BPTF: variants seen among roughly 807,000 people sequenced by gnomAD.
BPTF encodes the protein nucleosome-remodeling factor subunit BPTF.
BPTF carries 18 observed loss-of-function variants against 292.5 expected under a neutral mutation model. That is an observed-to-expected ratio of 0.06 (90% CI 0.04 to 0.09). The LOEUF is 0.09. BPTF is among the 10% of genes least tolerant of loss of function. The probability of loss-of-function intolerance (pLI) is 1.00; values close to 1 mark genes in which losing one functional copy is unlikely to be tolerated. For missense variants in BPTF, 2,726 were observed against 3,498.7 expected, an observed-to-expected ratio of 0.78 and a Z score of 5.57; for synonymous variants, 1,225 against 1,251.9, an observed-to-expected ratio of 0.98 and a Z score of 0.45.
At chr17:67,960,027 T>TA in intron 24 of BPTF, 152 bp downstream of exon 24, 2 of 616,174 alleles carry the variant, frequency 3.2e-6, no homozygotes, top group East Asian at 3.0e-5. Flanking sequence ...GTGATATTCT[T>TA]ACCATTGACG....
intron 15 of BPTF, 96 bp downstream of exon 15, chr17:67,924,685 G>T (rs2063724751): frequency 7.2e-7 from 1 of 1,385,506 alleles, no homozygotes; most frequent in Non-Finnish European, 1.0e-6. Context: ...GGGAGTTGGT[G>T]CTGGTCCCAC....
intron 4 of BPTF, chr17:67,886,429 TTTTAAATGAAAGTTTGGTGGG>T: frequency 1.4e-6 from 1 of 734,626 alleles, no homozygotes; most frequent in Non-Finnish European, 2.0e-6. Flanking sequence ...GTTTTTAATT[TTTTAAATGAAAGTTTGGTGGG>T]GGGTGGAATT....
At position 67,849,934 on chromosome 17, in the gene BPTF, C is replaced by G. The variant is rs1039134464; in HGVS notation, c.614-4006C>G. 5.3e-5 allele frequency among the ~76,000 whole-genome samples: 8 copies of G among 151,944 alleles called. No individual in the cohort carries two copies. The East Asian group carries it at 1.5e-3, about 29-fold the overall frequency. On this transcript the variant is annotated intron_variant, in intron 1 of 27. Transcript: ENST00000306378. ...CCAGCCTGGGCAACAGAGCAAGACT[C>G]CATCTCAGAAAAAAAAAAATTCAGG...
rs1253422166 is a variant in BPTF at position 67,919,914 on chromosome 17, G to A, written c.5429-101G>A. The A allele has an allele frequency of 4.2e-6, 5 of 1,193,060 alleles. No individual in the cohort carries two copies. The East Asian group carries it at 1.2e-4, about 28-fold the overall frequency. The allele number at this position is 1,193,060 out of a possible 1,614,324, so 73.9% of individuals were successfully genotyped here. On this transcript the variant is annotated intron_variant, in intron 12 of 27. Coordinates refer to ENST00000306378, the MANE Select transcript of BPTF (RefSeq NM_182641.4). ...TTAATTAAGTCAGGTGTTTCCAAAA[G>A]TTTATTCCACGTGTGTCTCTTTTTG... is the stretch of plus-strand genomic sequence containing the variant.
Position 67,945,688 on chromosome 17 carries a change from C to G in BPTF, c.6980C>G (p.Ala2327Gly). The G allele has an allele frequency of 1.2e-6, 2 of 1,614,200 alleles. No individual in the cohort carries two copies. Among genetic ancestry groups the G allele is most frequent in the South Asian group, 1.1e-5 (1 of 91,074 alleles). The change falls in exon 21 of 28, where the codon GCA becomes GGA. Residue 2327 changes from alanine to glycine, a missense_variant. This residue lies in a region of BPTF where 570 missense variants were observed against 633.5 expected (regional missense o/e 0.90). Transcript: ENST00000306378. ...CAGTCATCCAAGCCCCAAGTTGCAG[C>G]ACAGTCTCAGCCTCAAAGTAATGTC... ...HAQSSKPQVAAQSQPQSNVQG... is the reference protein window; with the variant it reads ...HAQSSKPQVAGQSQPQSNVQG...
At chr17:67,851,991 G>A (rs575845687) in intron 1 of BPTF, among the ~76,000 whole-genome samples, 1 of 142,086 alleles carries the variant, frequency 7.0e-6, no homozygotes, top group Admixed American at 7.2e-5. Flanking sequence ...TGTTGAAATT[G>A]ATAATGAGTG....
In BPTF at chr17:67,826,012, A is replaced by G. The variant is rs888619436; in HGVS notation, c.288A>G (p.Gly96=). The G allele has an allele frequency of 2.4e-6, 2 of 819,866 alleles. No homozygotes were observed. Among genetic ancestry groups the G allele is most frequent in the African/African-American group, 1.9e-5 (1 of 53,830 alleles). The allele number at this position is 819,866 out of a possible 1,614,324, so 50.8% of individuals were successfully genotyped here. Residue 96 remains glycine (G), a synonymous_variant, in exon 1 of 28, where the codon GGA becomes GGG. Coordinates refer to ENST00000306378, the MANE Select transcript of BPTF (RefSeq NM_182641.4). ...STSAPGRGGR[G]GGGGRTGGGG... is the part of the protein sequence containing the mutation. ...GCGCCCCGGGCCGGGGGGGGCGAGG[A>G]GGCGGGGGCGGCAGGACGGGGGGCG...
chr17:67,866,133 A>T (rs2059379270), intron 2 of BPTF, among the ~76,000 whole-genome samples: 2 of 152,124 alleles, frequency 1.3e-5, no homozygotes, highest in African/African-American at 4.8e-5. Flanking sequence ...AAATAAATTT[A>T]TTTTATTCTA....
At chr17:67,875,507 A>G in intron 4 of BPTF, 1 of 1,390,174 alleles carries the variant, frequency 7.2e-7, no homozygotes, top group Non-Finnish European at 9.5e-7. Context: ...TTTGCCCTGA[A>G]GCAATTTTAA....
rs538005029 is a variant in BPTF, at chr17:67,828,281, C to T, written c.613+1944C>T. On this transcript the variant is annotated intron_variant, in intron 1 of 27. Coordinates refer to ENST00000306378, the MANE Select transcript of BPTF (RefSeq NM_182641.4). ...TTACCTTAAGAAATCACATGTTGGT[C>T]TTCTTTGCACCCAGAGCCGGTAATT... Among the ~76,000 whole-genome samples, 4 of 152,186 alleles carry T rather than the reference C, an allele frequency of 2.6e-5. No homozygotes were observed. The South Asian group carries it at 6.2e-4, about 24-fold the overall frequency.
At chr17:67,830,818 T>G (rs2056603388) in intron 1 of BPTF, among the ~76,000 whole-genome samples, 1 of 152,206 alleles carries the variant, frequency 6.6e-6, no homozygotes, top group Non-Finnish European at 1.5e-5. Context: ...CCCCCTTTTC[T>G]GTAGAATAGG....
intron 18 of BPTF, among the ~76,000 whole-genome samples, chr17:67,933,179 A>T (rs2064561925): frequency 6.6e-6 from 1 of 151,774 alleles, no homozygotes; most frequent in African/African-American, 2.4e-5. Context: ...AGTCGCTTGA[A>T]CCCAGGAGGC....
At chr17:67,901,107 A>G (rs1210811605) in intron 7 of BPTF, among the ~76,000 whole-genome samples, 2 of 152,206 alleles carry the variant, frequency 1.3e-5, no homozygotes, top group Non-Finnish European at 2.9e-5. Flanking sequence ...ACTAGATATT[A>G]AAGCACATTT....
At chr17:67,883,826 C>G (rs1302734507) in intron 4 of BPTF, among the ~76,000 whole-genome samples, 1 of 152,164 alleles carries the variant, frequency 6.6e-6, no homozygotes, top group Non-Finnish European at 1.5e-5. Context: ...GTCTCGAACT[C>G]CTGAGCTCAT....
At chr17:67,955,277 CAAAAAAAAAAAA>C (rs60507268) in intron 23 of BPTF, 106,928 of 119,740 alleles carry the variant, frequency 0.89, 47,659 homozygotes, top group East Asian at 0.98. Flanking sequence ...GACTCTGTCT[CAAAAAAAAAAAA>C]AAAAAAAAAA....
chr17:67,944,489 C>G (rs6504554), intron 20 of BPTF, 117 bp downstream of exon 20: 1,150,325 of 1,155,596 alleles, frequency 1, 572,689 homozygotes, highest in East Asian at 1. Context: ...AAGCCAGTGA[C>G]CTCAACAGTT....
chr17:67,919,197 T>TAATAAC (rs1331319050), intron 12 of BPTF, among the ~76,000 whole-genome samples: 3 of 144,700 alleles, frequency 2.1e-5, no homozygotes, highest in Non-Finnish European at 4.5e-5. Context: ...ATAATAATAA[T>TAATAAC]AATAATAATA....
At chr17:67,925,592 A>C (rs1318689272) in intron 15 of BPTF, among the ~76,000 whole-genome samples, 1 of 152,240 alleles carries the variant, frequency 6.6e-6, no homozygotes, top group Non-Finnish European at 1.5e-5. Context: ...ATTACCACTT[A>C]TTCCTATTGA....
Position 67,904,796 on chromosome 17 carries a change from T to G in BPTF, c.2768T>G (p.Leu923Trp), listed in dbSNP as rs1321949301. 26 of 1,613,160 alleles carry G rather than the reference T, an allele frequency of 1.6e-5. No individual in the cohort carries two copies. In the Middle Eastern group the frequency reaches 4.9e-4, roughly 31 times the overall value. ...KTHVYRFVPK[L>W]PGNTNVNYRK... The stretch of plus-strand genomic sequence containing the variant: ...CATGTTTATAGGTTTGTTCCTAAAT[T>G]GCCAGGCAATACTAATGTGAATTAC... Residue 923 changes from leucine (L) to tryptophan (W), a missense_variant, in exon 9 of 28, where the codon TTG becomes TGG. Physicochemically the swap from Leu to Trp is moderately conservative, Grantham distance 61. This residue lies in a region of BPTF where 99 missense variants were observed against 227.1 expected (regional missense o/e 0.44). Transcript: ENST00000306378.
Sources: gnomAD v4.1 joint callset for allele counts (sites outside exome capture counted in the v4.1 genomes callset) on GRCh38, gnomAD v4.1.1 for gene constraint, gnomAD v4.1.1 regional missense constraint, MANE v1.5 for transcripts, NCBI Gene and HGNC (gene_info 2026-07-23, HGNC 2026-07-21) for gene names.